The following KDM5D variants were observed in gnomAD, a reference collection of about 807,000 sequenced individuals.
The protein encoded by KDM5D is lysine-specific demethylase 5D.
Under a neutral mutation model 31.9 loss-of-function variants are expected in KDM5D, and 25 were observed. The observed-to-expected ratio is 0.78, with a 90% CI of 0.57 to 1.09. KDM5D has a LOEUF of 1.09. KDM5D is among the 50% of genes least tolerant of loss of function. KDM5D has a pLI of 0.00. For missense variants in KDM5D, 366 were observed against 341.6 expected, an observed-to-expected ratio of 1.07 and a Z score of -0.56; for synonymous variants, 146 against 122.3, an observed-to-expected ratio of 1.19 and a Z score of -1.28.
chrY:19,732,081 A>C lies in KDM5D; in HGVS notation c.1177T>G (p.Ser393Ala). The change falls in exon 10 of 27, where the codon TCC becomes GCC. Residue 393 changes from serine (S) to alanine (A), a missense_variant. Transcript: ENST00000317961. ...ATGTTGAAGTAGTCGGACTTGAAGG[A>C]ATCAGCCATTTCACCAAAACTCTGC... The part of the protein sequence containing the change: ...SLQSFGEMAD[S>A]FKSDYFNMPV... 2.5e-6 allele frequency: 1 copy of C among 397,699 alleles called. No individual in the cohort carries two copies. Among genetic ancestry groups the C allele is most frequent in the Non-Finnish European group, 3.5e-6 (1 of 282,579 alleles).
At chrY:19,738,038 G>A (rs748111501) in intron 6 of KDM5D, among the ~76,000 whole-genome samples, 2 of 32,703 alleles carry the variant, frequency 6.1e-5, no homozygotes, top group Non-Finnish European at 1.5e-4. Context: ...GGGTCAGGCT[G>A]TTCTCGAACT....
intron 19 of KDM5D, 140 bp from the exon 20 acceptor site, chrY:19,709,949 C>A: frequency 2.9e-6 from 1 of 347,487 alleles, no homozygotes; most frequent in Non-Finnish European, 3.9e-6. Flanking sequence ...AAAACATGAT[C>A]TATCTGATAA....
chrY:19,709,369 G>A, intron 20 of KDM5D, 82 bp downstream of exon 20: 1 of 340,214 alleles, frequency 2.9e-6, no homozygotes, highest in Non-Finnish European at 4.2e-6. Context: ...GTTGCCCAAG[G>A]GTCACCATAG....
At chrY:19,741,562 G>C in intron 4 of KDM5D, 74 bp from the exon 5 acceptor site, 1 of 250,816 alleles carries the variant, frequency 4.0e-6, no homozygotes, top group African/African-American at 7.7e-5. Context: ...AATGAGACTT[G>C]AATATGGGGG....
At chrY:19,727,572 AAAC>A (rs2045442927) in intron 11 of KDM5D, among the ~76,000 whole-genome samples, 6 of 33,708 alleles carry the variant, frequency 1.8e-4, no homozygotes, top group Non-Finnish European at 4.4e-4. Flanking sequence ...CAGAAAACAA[AAAC>A]AACAGCAACG....
At position 19,716,449 on chromosome Y, in the gene KDM5D, C is replaced by T; in HGVS notation, c.1861G>A (p.Glu621Lys). Residue 621 changes from glutamate to lysine, a missense_variant, in exon 15 of 27, where the codon GAA (glutamate) becomes AAA (lysine). Transcript: ENST00000317961. Reference protein sequence around the residue: ...DWLPAGRQCIEHYRRLRRYCV... With the variant: ...DWLPAGRQCIKHYRRLRRYCV... ...TAGCGCCGGAGCCGGCGGTAGTGTT[C>T]AATGCACTGGCGTCCAGCAGGTAGC... 2.5e-6 allele frequency: 1 copy of T among 397,970 alleles called. No homozygotes were observed. The highest frequency in any genetic ancestry group is 3.5e-6 in the Non-Finnish European group (1 of 283,299).
chrY:19,714,591 A>G, intron 18 of KDM5D, among the ~76,000 whole-genome samples: 1 of 33,738 alleles, frequency 3.0e-5, no homozygotes, highest in Non-Finnish European at 7.3e-5. Context: ...AATACTCACC[A>G]GTGTTACAAC....
At chrY:19,733,256 T>C (rs970556504) in intron 8 of KDM5D, among the ~76,000 whole-genome samples, 1 of 32,764 alleles carries the variant, frequency 3.1e-5, no homozygotes, top group Non-Finnish European at 7.5e-5. Flanking sequence ...TTGAAAAAAA[T>C]CTAGTAATAA....
At chrY:19,743,748 G>A in intron 2 of KDM5D, among the ~76,000 whole-genome samples, 1 of 33,936 alleles carries the variant, frequency 2.9e-5, no homozygotes, top group Non-Finnish European at 7.3e-5. Context: ...TGAGAAAAAA[G>A]CTGTATGCTC....
intron 11 of KDM5D, among the ~76,000 whole-genome samples, chrY:19,729,020 T>G (rs2045454033): frequency 3.2e-5 from 1 of 31,324 alleles, no homozygotes; most frequent in South Asian, 7.6e-4. Flanking sequence ...GAGACCAGCC[T>G]GGCTAACATG....
chrY:19,708,044 A>G lies in KDM5D; in HGVS notation c.3289T>C (p.Ser1097Pro). The change falls in exon 23 of 27, where the codon TCA becomes CCA. Residue 1097 changes from serine to proline, a missense_variant. Ser to Pro is a moderately conservative substitution (Grantham distance 74). Coordinates refer to ENST00000317961, the MANE Select transcript of KDM5D (RefSeq NM_004653.5). ...CACCGGCTACGCTTGGTGCTGTCTGAGCCAGCGTCTGCACACGGGCAAAGC... is the reference window on the plus strand; with the variant it reads ...CACCGGCTACGCTTGGTGCTGTCTGGGCCAGCGTCTGCACACGGGCAAAGC... The part of the protein sequence containing the change: ...EVLCPCADAG[S>P]DSTKRSRWME... The G allele has an allele frequency of 2.6e-6, 1 of 388,709 alleles. No individual in the cohort carries two copies. Among genetic ancestry groups the G allele is most frequent in the African/African-American group, 6.5e-5 (1 of 15,365 alleles).
At chrY:19,734,375 G>T (rs2032617) in intron 8 of KDM5D, among the ~76,000 whole-genome samples, 279 of 33,892 alleles carry the variant, frequency 8.2e-3, no homozygotes, top group African/African-American at 0.029. Flanking sequence ...AGCATTAATA[G>T]AACCATATAA....
At position 19,739,638 on chromosome Y, in the gene KDM5D, T is replaced by C; in HGVS notation, c.547A>G (p.Asn183Asp). 6 of 392,680 alleles carry C rather than the reference T, an allele frequency of 1.5e-5. No homozygotes were observed. The Admixed American group carries it at 4.6e-4, about 30-fold the overall frequency. ...HVQCNTHPFD[N>D]EVKDKEYKPH... ...TTGTATTCCTTATCTTTTACCTCATTGTCAAACGGGTGTGTGTTACATTGC... is the reference window on the plus strand; with the variant it reads ...TTGTATTCCTTATCTTTTACCTCATCGTCAAACGGGTGTGTGTTACATTGC... Residue 183 changes from asparagine (N) to aspartate (D), a missense_variant, in exon 6 of 27, where the codon AAT becomes GAT. Asn to Asp is a conservative substitution (Grantham distance 23, BLOSUM62 1). Coordinates refer to ENST00000317961, the MANE Select transcript of KDM5D (RefSeq NM_004653.5).
chrY:19,717,940 C>T (rs2045361015), intron 13 of KDM5D, among the ~76,000 whole-genome samples: 1 of 33,995 alleles, frequency 2.9e-5, no homozygotes, highest in Non-Finnish European at 7.3e-5. Flanking sequence ...AAAGATTACT[C>T]ACGTATACAA....
chrY:19,731,780 C>G lies in KDM5D; in HGVS notation c.1363G>C (p.Glu455Gln). 1 of 395,653 alleles carries G rather than the reference C, an allele frequency of 2.5e-6. No individual in the cohort carries two copies. Among genetic ancestry groups the G allele is most frequent in the East Asian group, 9.2e-5 (1 of 10,831 alleles). ...ACTACCAACCGTATTACCTTCTCCT[C>G]AGGAGATAAGTTTTGTTTGCTATTG... ...VSNSKQNLSP[E>Q]EKEYATSGWN... is the part of the protein sequence containing the mutation. Residue 455 changes from glutamate to glutamine, a missense_variant, in exon 11 of 27, where the codon GAG (glutamate) becomes CAG (glutamine). Transcript: ENST00000317961.
chrY:19,736,732 G>C, intron 6 of KDM5D, among the ~76,000 whole-genome samples: 1 of 32,729 alleles, frequency 3.1e-5, no homozygotes, highest in African/African-American at 1.2e-4. Flanking sequence ...CTCTTTCAGA[G>C]CTGGCTAAAC....
intron 18 of KDM5D, among the ~76,000 whole-genome samples, chrY:19,713,950 CATGGAATTACA>C (rs2045316839): frequency 3.0e-5 from 1 of 33,307 alleles, no homozygotes; most frequent in African/African-American, 1.2e-4. Context: ...ACATATACAC[CATGGAATTACA>C]ATGCAGATAT....
chrY:19,709,864 C>T, intron 19 of KDM5D, 55 bp from the exon 20 acceptor site: 1 of 382,356 alleles, frequency 2.6e-6, no homozygotes, highest in African/African-American at 6.5e-5. Context: ...TACTCAACCA[C>T]CTAGATTTGC....
chrY:19,705,403 G>A lies in KDM5D; in HGVS notation c.*592C>T, dbSNP rs1052862237. ...GTCCTTCACTCGTACAATTTAAGAA[G>A]TTCAAATCATATTCATAGTATCCAA... On this transcript the variant is annotated 3_prime_UTR_variant, in exon 27 of 27. Coordinates refer to ENST00000317961, the MANE Select transcript of KDM5D (RefSeq NM_004653.5). The A allele has an allele frequency of 5.9e-5, 2 of 33,799 alleles. No individual in the cohort carries two copies. Among genetic ancestry groups the A allele is most frequent in the Admixed American group, 5.3e-4 (2 of 3,784 alleles). The allele number at this position is 33,799 out of a possible 400,897, so 8.4% of individuals were successfully genotyped here. A position where few individuals can be genotyped will look rare whatever the true frequency, so the allele number is the denominator to read the frequency against.
Sources: gnomAD v4.1 joint callset for allele counts (sites outside exome capture counted in the v4.1 genomes callset) on GRCh38, gnomAD v4.1.1 for gene constraint, MANE v1.5 for transcripts, NCBI Gene and HGNC (gene_info 2026-07-23, HGNC 2026-07-21) for gene names.